Variants in SCAI observed in about 807,000 individuals in gnomAD.
SCAI encodes the protein protein SCAI.
In SCAI, 24 loss-of-function variants were observed where a neutral mutation model predicts 92.2. The observed-to-expected ratio is 0.26, with a 90% CI of 0.19 to 0.37. SCAI has a LOEUF of 0.37. Among genes scored for constraint, SCAI ranks in the 10% least tolerant of loss-of-function variants. The probability of loss-of-function intolerance (pLI) is 1.00; values close to 1 mark genes in which losing one functional copy is unlikely to be tolerated. For missense variants in SCAI, 450 were observed against 736.2 expected (o/e 0.61, Z 4.50); for synonymous variants, 261 against 258.6 (o/e 1.01, Z -0.09).
intron 3 of SCAI, among the ~76,000 whole-genome samples, chr9:125,032,188 TATATATA>T (rs1308287295): frequency 1.3e-4 from 15 of 112,140 alleles, no homozygotes; most frequent in African/African-American, 5.9e-4. Context: ...TATATATATA[TATATATA>T]TTTTTTTTTT....
chr9:124,945,638 TATTAA>T lies in SCAI; in HGVS notation c.*7164_*7168del, dbSNP rs2131559448. On this transcript the variant is annotated 3_prime_UTR_variant, in exon 18 of 18. Transcript: ENST00000336505. ...AATTAAGAATGGTGCTTCAATCAGT[TATTAA>T]ATTAGTTATACTTAATACAGTTCTC... The T allele has an allele frequency of 6.6e-6, 1 of 152,326 alleles. No individual in the cohort carries two copies. Among genetic ancestry groups the T allele is most frequent in the East Asian group, 1.9e-4 (1 of 5,184 alleles). The allele number at this position is 152,326 out of a possible 1,614,324, so 9.4% of individuals were successfully genotyped here. A position where few individuals can be genotyped will look rare whatever the true frequency, so the allele number is the denominator to read the frequency against.
chr9:125,044,736 T>C (rs1833400516), intron 3 of SCAI, among the ~76,000 whole-genome samples: 1 of 152,194 alleles, frequency 6.6e-6, no homozygotes, highest in Non-Finnish European at 1.5e-5. Context: ...AGGAAAGAGC[T>C]GAGGCCCTTT....
intron 9 of SCAI, among the ~76,000 whole-genome samples, chr9:125,004,756 TATATATATATATATATATATATA>T (rs1564374563): frequency 0.028 from 262 of 9,332 alleles, 2 homozygotes; most frequent in East Asian, 0.062. Flanking sequence ...TATATATATA[TATATATATATATATATATATATA>T]TTTTTTTTTT....
intron 9 of SCAI, among the ~76,000 whole-genome samples, chr9:125,014,305 T>G (rs1438368031): frequency 6.6e-6 from 1 of 152,196 alleles, no homozygotes; most frequent in East Asian, 1.9e-4. Context: ...CAAAATCTCC[T>G]TAAGCTGATA....
chr9:125,069,902 G>A (rs997055804), intron 2 of SCAI, among the ~76,000 whole-genome samples: 18 of 152,012 alleles, frequency 1.2e-4, no homozygotes, highest in African/African-American at 2.4e-4. Context: ...GGTTACAGGC[G>A]TGAGCCACCG....
intron 13 of SCAI, among the ~76,000 whole-genome samples, chr9:124,995,581 C>T (rs1832222565): frequency 6.6e-6 from 1 of 151,118 alleles, no homozygotes; most frequent in African/African-American, 2.4e-5. Context: ...CCTCCATGTC[C>T]CGGGCTCAGG....
At chr9:125,125,950 A>ACACACACACACAC (rs59635909) in intron 2 of SCAI, among the ~76,000 whole-genome samples, 1 of 124,394 alleles carries the variant, frequency 8.0e-6, no homozygotes. Flanking sequence ...ACACACACAC[A>ACACACACACACAC]TTCTCTCTCT....
intron 3 of SCAI, among the ~76,000 whole-genome samples, chr9:125,052,292 G>A (rs764153575): frequency 2.6e-5 from 4 of 151,968 alleles, no homozygotes; most frequent in South Asian, 2.1e-4. Context: ...AAGACATGCC[G>A]GTTTGCGGTG....
intron 1 of SCAI, 65 bp from the exon 2 acceptor site, chr9:125,142,742 C>T (rs1296854751): frequency 2.1e-6 from 3 of 1,437,722 alleles, no homozygotes; most frequent in Non-Finnish European, 2.0e-6. Context: ...CCCGGCGCTA[C>T]CGTGCCAGTC....
intron 2 of SCAI, among the ~76,000 whole-genome samples, chr9:125,092,696 A>G (rs916314258): frequency 5.3e-5 from 8 of 152,186 alleles, no homozygotes; most frequent in African/African-American, 1.7e-4. Flanking sequence ...AGCATCACCA[A>G]TGGGCCTCTG....
intron 17 of SCAI, among the ~76,000 whole-genome samples, chr9:124,962,341 G>A (rs1443942727): frequency 1.3e-5 from 2 of 151,852 alleles, no homozygotes; most frequent in Non-Finnish European, 2.9e-5. Context: ...TGTATTTTTA[G>A]TAGAGACGAG....
chr9:125,129,689 C>T (rs2131262931), intron 2 of SCAI, among the ~76,000 whole-genome samples: 1 of 151,560 alleles, frequency 6.6e-6, no homozygotes, highest in East Asian at 2.0e-4. Context: ...GTCTTGAACT[C>T]CTGTCCTCAG....
intron 13 of SCAI, among the ~76,000 whole-genome samples, chr9:124,997,972 T>A (rs1338169286): frequency 6.6e-6 from 1 of 152,146 alleles, no homozygotes; most frequent in Non-Finnish European, 1.5e-5. Flanking sequence ...AAAAAAATTT[T>A]TTTTTAAGTT....
At chr9:125,040,679 T>A (rs1833301705) in intron 3 of SCAI, among the ~76,000 whole-genome samples, 1 of 152,110 alleles carries the variant, frequency 6.6e-6, no homozygotes, top group Non-Finnish European at 1.5e-5. Context: ...CAGGTTGGAG[T>A]GCAGTGGCAC....
intron 2 of SCAI, among the ~76,000 whole-genome samples, chr9:125,078,188 C>T (rs1029387159): frequency 6.6e-6 from 1 of 151,868 alleles, no homozygotes; most frequent in African/African-American, 2.4e-5. Flanking sequence ...TTTCTTTTCT[C>T]ATAGTTAACT....
At chr9:125,008,258 C>T (rs1339880533) in intron 9 of SCAI, among the ~76,000 whole-genome samples, 2 of 152,160 alleles carry the variant, frequency 1.3e-5, no homozygotes, top group East Asian at 3.9e-4. Flanking sequence ...GATCCTCCTG[C>T]CTCAGTCTCC....
intron 14 of SCAI, among the ~76,000 whole-genome samples, chr9:124,988,999 T>C (rs922351214): frequency 1.3e-5 from 2 of 151,468 alleles, no homozygotes; most frequent in Non-Finnish European, 2.9e-5. Flanking sequence ...ATTAGCTGGG[T>C]GTGGTAGCGC....
chr9:125,141,949 G>T (rs2131280435), intron 2 of SCAI, among the ~76,000 whole-genome samples: 1 of 152,202 alleles, frequency 6.6e-6, no homozygotes, highest in East Asian at 1.9e-4. Context: ...TTGAGGCAGG[G>T]TCTTGCTGTG....
At chr9:124,978,167 C>T (rs1412378191) in intron 14 of SCAI, among the ~76,000 whole-genome samples, 2 of 152,280 alleles carry the variant, frequency 1.3e-5, no homozygotes, top group South Asian at 2.1e-4. Flanking sequence ...CTTAGCCAGG[C>T]GCGTTGGCTC....
Sources: gnomAD v4.1 joint callset for allele counts (sites outside exome capture counted in the v4.1 genomes callset) on GRCh38, gnomAD v4.1.1 for gene constraint, MANE v1.5 for transcripts, NCBI Gene and HGNC (gene_info 2026-07-23, HGNC 2026-07-21) for gene names.